Variants in PDZRN3 observed in about 807,000 individuals in gnomAD.
The protein encoded by PDZRN3 is E3 ubiquitin-protein ligase PDZRN3.
Under a neutral mutation model 85.7 loss-of-function variants are expected in PDZRN3, and 38 were observed. The observed-to-expected ratio is 0.44, with a 90% CI of 0.34 to 0.58. The LOEUF (loss-of-function observed/expected upper bound fraction) is 0.58, where lower values mean the gene tolerates loss of function less well. PDZRN3 is among the 20% of genes least tolerant of loss of function. The probability of loss-of-function intolerance (pLI) is 0.01; values close to 1 mark genes in which losing one functional copy is unlikely to be tolerated. For synonymous variants in PDZRN3, 759 were observed against 638.0 expected (o/e 1.19, Z -2.86); for missense variants, 1,629 against 1,506.4 (o/e 1.08, Z -1.35).
chr3:73,516,022 C>A (rs565748743), intron 3 of PDZRN3, among the ~76,000 whole-genome samples: 13 of 152,308 alleles, frequency 8.5e-5, no homozygotes, highest in African/African-American at 2.9e-4. Flanking sequence ...GTTTGTAGAT[C>A]TGTCTAACTG....
At chr3:73,624,048 G>A in intron 1 of PDZRN3, 55 bp downstream of exon 1, 1 of 1,379,476 alleles carries the variant, frequency 7.2e-7, no homozygotes, top group Non-Finnish European at 9.3e-7. Flanking sequence ...ATGGGGCGGG[G>A]CCCTGGGTCC....
At chr3:73,453,307 G>A (rs1355232890) in intron 3 of PDZRN3, among the ~76,000 whole-genome samples, 3 of 150,214 alleles carry the variant, frequency 2.0e-5, no homozygotes, top group Admixed American at 6.7e-5. Context: ...TTGGGAGGCT[G>A]AGGCAGAAGA....
intron 3 of PDZRN3, among the ~76,000 whole-genome samples, chr3:73,411,817 T>C (rs1335328617): frequency 6.6e-6 from 1 of 152,206 alleles, no homozygotes; most frequent in African/African-American, 2.4e-5. Context: ...GTGTCCGGAA[T>C]ACTTCAAATA....
rs1452697245 is a variant in PDZRN3 at position 73,624,680 on chromosome 3, T to C, written c.146A>G (p.Glu49Gly). The change falls in exon 1 of 10, where the codon GAG becomes GGG. Residue 49 changes from glutamate to glycine, a missense_variant. Coordinates refer to ENST00000263666, the MANE Select transcript of PDZRN3 (RefSeq NM_015009.3). ...GCGGCAGCGCGCCGGGCAGCTGCCC[T>C]CCTGCACCACCCAGGGCAGCACGCA... Reference protein sequence around the residue: ...AGCVLPWVVQEGSCPARCRGR... With the variant: ...AGCVLPWVVQGGSCPARCRGR... 1.3e-6 allele frequency: 2 copies of C among 1,516,964 alleles called. No individual in the cohort carries two copies. Among genetic ancestry groups the C allele is most frequent in the Admixed American group, 2.1e-5 (1 of 48,412 alleles). 94.0% of individuals were successfully genotyped at this position (1,516,964 alleles called of 1,614,324 possible).
At chr3:73,525,030 T>C in intron 3 of PDZRN3, among the ~76,000 whole-genome samples, 1 of 148,312 alleles carries the variant, frequency 6.7e-6, no homozygotes, top group Admixed American at 6.7e-5. Flanking sequence ...TTTATATAAA[T>C]AAAATTATAT....
intron 3 of PDZRN3, among the ~76,000 whole-genome samples, chr3:73,483,351 A>G (rs1447946794): frequency 6.6e-6 from 1 of 152,212 alleles, no homozygotes; most frequent in Non-Finnish European, 1.5e-5. Context: ...AGTTAGATGC[A>G]TTTTTAATGT....
At chr3:73,493,020 G>T (rs1575689022) in intron 3 of PDZRN3, among the ~76,000 whole-genome samples, 1 of 96,744 alleles carries the variant, frequency 1.0e-5, no homozygotes. Context: ...CTTACACTTT[G>T]GAGACTCTTC....
intron 3 of PDZRN3, among the ~76,000 whole-genome samples, chr3:73,447,161 A>C (rs1053011915): frequency 1.3e-5 from 2 of 150,988 alleles, no homozygotes; most frequent in Non-Finnish European, 2.9e-5. Context: ...CCCATCCCCA[A>C]ATTATTTTCA....
intron 3 of PDZRN3, among the ~76,000 whole-genome samples, chr3:73,415,565 T>G (rs1409715243): frequency 1.3e-5 from 2 of 152,224 alleles, no homozygotes; most frequent in Non-Finnish European, 2.9e-5. Flanking sequence ...AGATACATAT[T>G]TAATAGAAAC....
chr3:73,591,385 G>T (rs964372589), intron 3 of PDZRN3, among the ~76,000 whole-genome samples: 1 of 152,154 alleles, frequency 6.6e-6, no homozygotes, highest in Non-Finnish European at 1.5e-5. Flanking sequence ...TGTAAATTAA[G>T]AATTATTCCT....
At chr3:73,606,356 G>A (rs1299288938) in intron 2 of PDZRN3, among the ~76,000 whole-genome samples, 5 of 152,196 alleles carry the variant, frequency 3.3e-5, no homozygotes, top group Admixed American at 6.5e-5. Flanking sequence ...TAGAACATGG[G>A]CTCATGTTCT....
intron 2 of PDZRN3, 74 bp downstream of exon 2, chr3:73,608,524 G>T: frequency 1.0e-6 from 1 of 962,694 alleles, no homozygotes; most frequent in Non-Finnish European, 1.7e-6. Context: ...GCTCCTCACT[G>T]TCCCCTTCAA....
intron 1 of PDZRN3, among the ~76,000 whole-genome samples, chr3:73,615,998 AGATTAATGCT>A (rs1186168668): frequency 6.6e-6 from 1 of 152,158 alleles, no homozygotes; most frequent in East Asian, 1.9e-4. Context: ...CCTCATGAAG[AGATTAATGCT>A]GTCCCAGGGT....
In PDZRN3 at chr3:73,624,281, T is replaced by G; in HGVS notation, c.545A>C (p.Lys182Thr). The change falls in exon 1 of 10, where the codon AAG (lysine) becomes ACG (threonine). Residue 182 changes from lysine to threonine, a missense_variant. By Grantham distance (78) the Lys-to-Thr change is moderately conservative. Transcript: ENST00000263666. ...GCGCAGCGCCTCCTTCTTGAGCGCC[T>G]TGTGCAGCGCGCCCAGGCGGGCCTG... ...ALQARLGALHKALKKEALRAG... is the reference protein window; with the variant it reads ...ALQARLGALHTALKKEALRAG... 7.2e-7 allele frequency: 1 copy of G among 1,387,414 alleles called. No individual in the cohort carries two copies. Among genetic ancestry groups the G allele is most frequent in the African/African-American group, 1.5e-5 (1 of 65,816 alleles). The allele number at this position is 1,387,414 out of a possible 1,614,324, so 85.9% of individuals were successfully genotyped here.
rs61737733 is a variant in PDZRN3 at position 73,383,961 on chromosome 3, T to C, written c.2605A>G (p.Lys869Glu). ...YLPSYHHSPY[K>E]HAHIPAHAQH... ...GCGTGCGCCGGGATGTGCGCGTGCT[T>C]GTATGGGGAGTGGTGATAGGAGGGC... is the stretch of plus-strand genomic sequence containing the variant. Residue 869 changes from lysine (K) to glutamate (E), a missense_variant, in exon 10 of 10, where the codon AAG (lysine) becomes GAG (glutamate). Transcript: ENST00000263666. The C allele has an allele frequency of 2.4e-4, 381 of 1,598,988 alleles. No individual in the cohort carries two copies. The highest frequency in any genetic ancestry group is 2.9e-4 in the Non-Finnish European group (344 of 1,173,648).
Position 73,501,192 on chromosome 3 carries a change from T to C in PDZRN3, c.919-96797A>G, listed in dbSNP as rs532106133. Among the ~76,000 whole-genome samples the C allele has an allele frequency of 1.1e-3, 169 of 152,334 alleles. 4 individuals carry two copies. The highest frequency in any genetic ancestry group is 1.6e-3 in the Non-Finnish European group (107 of 68,034). ...AAATCCAAACACATAGCCACAGCTGTTGGGCTCTTAACAGCAGAACCAGTT... is the reference window on the plus strand; with the variant it reads ...AAATCCAAACACATAGCCACAGCTGCTGGGCTCTTAACAGCAGAACCAGTT... On this transcript the variant is annotated intron_variant, in intron 3 of 9. Transcript: ENST00000263666.
intron 3 of PDZRN3, among the ~76,000 whole-genome samples, chr3:73,587,934 T>C (rs1044329535): frequency 6.6e-6 from 1 of 152,212 alleles, no homozygotes; most frequent in Non-Finnish European, 1.5e-5. Context: ...AAATGTTTGT[T>C]AACACTACTT....
At chr3:73,593,709 T>TACAC (rs57922621) in intron 3 of PDZRN3, among the ~76,000 whole-genome samples, 2,800 of 141,884 alleles carry the variant, frequency 0.02, 42 homozygotes, top group African/African-American at 0.044. Context: ...GAAATAAATA[T>TACAC]ACACACACAC....
intron 3 of PDZRN3, among the ~76,000 whole-genome samples, chr3:73,490,325 A>G (rs1303354953): frequency 6.6e-6 from 1 of 152,196 alleles, no homozygotes; most frequent in Admixed American, 6.5e-5. Context: ...TGGAAACCCA[A>G]GACCATGTAC....
Sources: allele counts gnomAD v4.1 joint callset (sites outside exome capture counted in the v4.1 genomes callset), GRCh38; gene constraint gnomAD v4.1.1; transcripts MANE v1.5; gene names NCBI Gene and HGNC (gene_info 2026-07-23, HGNC 2026-07-21).